The following B4GALT6 variants were observed in gnomAD, a reference collection of about 807,000 sequenced individuals.
B4GALT6 encodes the protein UDP-Gal:beta-GlcNAc beta-1,4-galactosyltransferase 6.
A neutral mutation model predicts 46.3 loss-of-function variants in B4GALT6; 14 were observed. The ratio of observed to expected loss-of-function variants is 0.30; its 90% CI spans 0.20 to 0.47. The LOEUF (loss-of-function observed/expected upper bound fraction) is 0.47. B4GALT6 is among the 20% of genes least tolerant of loss of function. The pLI is 0.99. For synonymous variants in B4GALT6, 168 were observed against 162.0 expected (o/e 1.04, Z -0.28); for missense variants, 386 against 480.1 (o/e 0.80, Z 1.83).
At chr18:31,690,652 G>A (rs547842051), upstream of B4GALT6, among the ~76,000 whole-genome samples, 1 of 151,408 alleles carries the variant, frequency 6.6e-6, no homozygotes, top group Admixed American at 6.6e-5. Context: ...TGTATTTTTA[G>A]TAGAGACGGG....
chr18:31,622,911 A>G lies in B4GALT6; in HGVS notation c.*2703T>C, dbSNP rs143416107. 7.2e-5 allele frequency: 11 copies of G among 152,062 alleles called. No individual in the cohort carries two copies. The highest frequency in any genetic ancestry group is 2.6e-4 in the African/African-American group (11 of 41,516). The allele number at this position is 152,062 out of a possible 1,614,324, so 9.4% of individuals were successfully genotyped here. On this transcript the variant is annotated 3_prime_UTR_variant, in exon 9 of 9. Coordinates refer to ENST00000306851, the MANE Select transcript of B4GALT6 (RefSeq NM_004775.5). ...TTCTGTAGTTGAAAAGCACCATGTA[A>G]TTTTCCCAGTTAGTGCCATAGGGAC...
intron 6 of B4GALT6, among the ~76,000 whole-genome samples, chr18:31,628,493 A>C (rs752812548): frequency 2.6e-5 from 4 of 152,248 alleles, no homozygotes; most frequent in Non-Finnish European, 5.9e-5. Flanking sequence ...CAATTGTGCT[A>C]TATGAATAAT....
the B4GALT6 span, among the ~76,000 whole-genome samples, chr18:31,694,808 TGAAACCAAG>T: frequency 6.6e-6 from 1 of 152,172 alleles, no homozygotes; most frequent in East Asian, 1.9e-4. Context: ...TGTGTAACTG[TGAAACCAAG>T]AGCACAAAAC....
the B4GALT6 span, among the ~76,000 whole-genome samples, chr18:31,718,442 T>C: frequency 6.6e-6 from 1 of 152,190 alleles, no homozygotes; most frequent in Non-Finnish European, 1.5e-5. Context: ...TTCTTTTATT[T>C]CAAACAGTTC....
intron 1 of B4GALT6, among the ~76,000 whole-genome samples, chr18:31,671,736 T>C (rs1000123912): frequency 2.6e-5 from 4 of 152,324 alleles, no homozygotes; most frequent in Non-Finnish European, 5.9e-5. Flanking sequence ...TATTCCAATT[T>C]ATAAGAAACC....
upstream of B4GALT6, among the ~76,000 whole-genome samples, chr18:31,688,654 G>A (rs1189391003): frequency 2.0e-5 from 3 of 152,076 alleles, no homozygotes; most frequent in Non-Finnish European, 4.4e-5. Context: ...AAATGTCCTA[G>A]CATTTTCAAG....
the B4GALT6 span, among the ~76,000 whole-genome samples, chr18:31,696,908 C>G: frequency 6.6e-6 from 1 of 152,152 alleles, no homozygotes; most frequent in Non-Finnish European, 1.5e-5. Flanking sequence ...CAAGCTCGTA[C>G]CACTCACAGC....
intron 5 of B4GALT6, among the ~76,000 whole-genome samples, chr18:31,638,150 C>T (rs1468341806): frequency 2.6e-5 from 4 of 152,076 alleles, no homozygotes; most frequent in African/African-American, 9.7e-5. Flanking sequence ...AACATGATTG[C>T]TGATTAAGTC....
At chr18:31,707,100 C>A in the B4GALT6 span, among the ~76,000 whole-genome samples, 1 of 152,094 alleles carries the variant, frequency 6.6e-6, no homozygotes, top group African/African-American at 2.4e-5. Flanking sequence ...AGCAGAGTGT[C>A]TGGGAAACTA....
rs74890441 is a variant in B4GALT6 at position 31,678,075 on chromosome 18, G to A, written c.115+6237C>T. Among the ~76,000 whole-genome samples, 1,040 of 152,272 alleles carry A rather than the reference G, an allele frequency of 6.8e-3. 14 individuals are homozygous for A. The highest frequency in any genetic ancestry group is 0.022 in the African/African-American group (931 of 41,564). ...CAGTGTGGGTGGCGGACAGGTAGAG[G>A]AGCAGGTCTGCCCTTTTGCAAGGTA... On this transcript the variant is annotated intron_variant, in intron 1 of 8. Transcript: ENST00000306851.
At chr18:31,691,944 T>C in the B4GALT6 span, among the ~76,000 whole-genome samples, 2,934 of 152,232 alleles carry the variant, frequency 0.019, 48 homozygotes, top group South Asian at 0.054. Flanking sequence ...ACCTTTTCAG[T>C]CAGCAAAGTA....
chr18:31,679,541 A>C (rs1441705013), intron 1 of B4GALT6, among the ~76,000 whole-genome samples: 1 of 152,228 alleles, frequency 6.6e-6, no homozygotes. Flanking sequence ...ATTCCAATTT[A>C]ACCCGTGATT....
intron 1 of B4GALT6, among the ~76,000 whole-genome samples, chr18:31,677,228 C>T (rs990928056): frequency 2.0e-5 from 3 of 152,204 alleles, no homozygotes; most frequent in African/African-American, 7.2e-5. Context: ...TTTTCCTAAA[C>T]ATTTTGCTGT....
At chr18:31,670,916 G>T (rs531157075) in intron 1 of B4GALT6, among the ~76,000 whole-genome samples, 1 of 151,656 alleles carries the variant, frequency 6.6e-6, no homozygotes, top group Non-Finnish European at 1.5e-5. Flanking sequence ...CCCAACCCCC[G>T]AGAGGCCCCA....
At position 31,623,450 on chromosome 18, in the gene B4GALT6, ATACTAGTAG is replaced by A. The variant is rs902596777; in HGVS notation, c.*2155_*2163del. On this transcript the variant is annotated 3_prime_UTR_variant, in exon 9 of 9. Transcript: ENST00000306851. ...CATCAGACTTAAGAAAATAAGGCAG[ATACTAGTAG>A]TACTAAGTTTTCTTGAAACTGTAAA... is the stretch of plus-strand genomic sequence containing the variant. 2.5e-4 allele frequency: 38 copies of A among 152,610 alleles called. No homozygotes were observed. The highest frequency in any genetic ancestry group is 8.9e-4 in the African/African-American group (37 of 41,580). 9.5% of individuals were successfully genotyped at this position (152,610 alleles called of 1,614,324 possible).
At chr18:31,660,371 A>C (rs992139557) in intron 2 of B4GALT6, among the ~76,000 whole-genome samples, 26 of 152,132 alleles carry the variant, frequency 1.7e-4, no homozygotes, top group African/African-American at 5.8e-4. Flanking sequence ...TGGTAGCAGC[A>C]AGTGCAATAA....
chr18:31,700,370 A>C, the B4GALT6 span, among the ~76,000 whole-genome samples: 2 of 152,032 alleles, frequency 1.3e-5, no homozygotes, highest in Admixed American at 6.6e-5. Flanking sequence ...GTGAAACTTC[A>C]TACTCTGTGA....
chr18:31,699,733 G>T, the B4GALT6 span, among the ~76,000 whole-genome samples: 1 of 150,680 alleles, frequency 6.6e-6, no homozygotes. Flanking sequence ...GGTGACCATT[G>T]AATCAATAGA....
At chr18:31,712,287 ATTTTTTTTTTTTTTTT>A in the B4GALT6 span, among the ~76,000 whole-genome samples, 380 of 84,646 alleles carry the variant, frequency 4.5e-3, 2 homozygotes, top group African/African-American at 0.018. Context: ...CTGGGACGTT[ATTTTTTTTTTTTTTTT>A]TTTTTTTTTT....
Sources: gnomAD v4.1 joint callset for allele counts (sites outside exome capture counted in the v4.1 genomes callset) on GRCh38, gnomAD v4.1.1 for gene constraint, MANE v1.5 for transcripts, NCBI Gene and HGNC (gene_info 2026-07-23, HGNC 2026-07-21) for gene names.